The following SLC35E3 variants were observed in gnomAD, a reference collection of about 807,000 sequenced individuals.
SLC35E3 encodes the protein solute carrier family 35 member E3, also known as bladder cancer-overexpressed gene 1 protein.
Under a neutral mutation model 30.8 loss-of-function variants are expected in SLC35E3, and 28 were observed. The ratio of observed to expected loss-of-function variants is 0.91; its 90% CI spans 0.67 to 1.25. The LOEUF is 1.25. Ranked by LOEUF, SLC35E3 falls within the 50% of genes most tolerant of loss-of-function variation. The pLI is 0.00. For missense variants in SLC35E3, 365 were observed against 375.4 expected (o/e 0.97, Z 0.23); for synonymous variants, 146 against 149.2 (o/e 0.98, Z 0.16).
At chr12:68,760,038 A>T (rs1324935447) in intron 4 of SLC35E3, 2 of 152,214 alleles carry the variant, frequency 1.3e-5, no homozygotes, top group Admixed American at 1.3e-4. Flanking sequence ...TATTATTTCA[A>T]GTCAAGAAAT....
In SLC35E3 at chr12:68,756,100, T is replaced by TTTACCA. The variant is rs1878990709; in HGVS notation, c.673-3055_673-3050dup. 2.0e-5 allele frequency among the ~76,000 whole-genome samples: 3 copies of TTTACCA among 152,176 alleles called. No homozygotes were observed. The South Asian group carries it at 6.2e-4, about 32-fold the overall frequency. ...CAGTAGTTATTTCAAATTTATATATTTTACCATATACACTTTTTTTCTAAA... is the reference window on the plus strand; with the variant it reads ...CAGTAGTTATTTCAAATTTATATATTTTACCATTACCATATACACTTTTTTTCTAAA... On this transcript the variant is annotated intron_variant, in intron 3 of 4. Coordinates refer to ENST00000398004, the MANE Select transcript of SLC35E3 (RefSeq NM_018656.5).
In SLC35E3 at chr12:68,748,041, G is replaced by A. The variant is rs1480379007; in HGVS notation, c.513+1G>A. On this transcript the variant is annotated splice_donor_variant, in intron 2 of 4. Coordinates refer to ENST00000398004, the MANE Select transcript of SLC35E3 (RefSeq NM_018656.5). LOFTEE classifies it high-confidence loss of function. The stretch of plus-strand genomic sequence containing the variant: ...TTTAGTTACATCCCTTTATCAAGTG[G>A]TTGGTAATTTTTTTTTCTTTATGTG... 5 of 1,572,556 alleles carry A rather than the reference G, an allele frequency of 3.2e-6. No homozygotes were observed. Among genetic ancestry groups the A allele is most frequent in the Non-Finnish European group, 3.5e-6 (4 of 1,149,878 alleles).
chr12:68,749,232 A>G (rs1408972414), intron 2 of SLC35E3, among the ~76,000 whole-genome samples: 1 of 152,208 alleles, frequency 6.6e-6, no homozygotes, highest in Admixed American at 6.5e-5. Flanking sequence ...TTGACATGAG[A>G]TTGACCAAGG....
Position 68,753,111 on chromosome 12 carries a change from C to CAAA in SLC35E3, c.672+936_672+938dup, listed in dbSNP as rs34737156. Reference sequence around the variant, plus strand: ...CAGTGAGCTGGGATCACACCTGTCTCAAAAAAAAAAAAAAAAAGAATTAGC... The same window carrying CAAA: ...CAGTGAGCTGGGATCACACCTGTCTCAAAAAAAAAAAAAAAAAAAAGAATTAGC... On this transcript the variant is annotated intron_variant, in intron 3 of 4. Coordinates refer to ENST00000398004, the MANE Select transcript of SLC35E3 (RefSeq NM_018656.5). 1.6e-5 allele frequency among the ~76,000 whole-genome samples: 2 copies of CAAA among 122,400 alleles called. 1 individual carries two copies. Among genetic ancestry groups the CAAA allele is most frequent in the African/African-American group, 6.0e-5 (2 of 33,176 alleles). The allele number at this position is 122,400 out of a possible 152,430, so 80.3% of individuals were successfully genotyped here.
intron 2 of SLC35E3, among the ~76,000 whole-genome samples, chr12:68,750,874 T>C (rs1878762889): frequency 6.6e-6 from 1 of 152,100 alleles, no homozygotes; most frequent in African/African-American, 2.4e-5. Flanking sequence ...AGACTTAGAG[T>C]TTATGTAACA....
At chr12:68,759,792 C>G (rs1879178280) in intron 4 of SLC35E3, among the ~76,000 whole-genome samples, 1 of 151,880 alleles carries the variant, frequency 6.6e-6, no homozygotes, top group Non-Finnish European at 1.5e-5. Flanking sequence ...TAATAGGTGA[C>G]CTTTTCCCTT....
intron 4 of SLC35E3, among the ~76,000 whole-genome samples, chr12:68,762,414 G>A (rs751946679): frequency 7.2e-5 from 11 of 152,042 alleles, no homozygotes; most frequent in Non-Finnish European, 1.3e-4. Context: ...AGGCGGGGTC[G>A]GTGTCTGTGT....
rs1275658916 is a variant in SLC35E3 at position 68,768,076 on chromosome 12, G to T, written c.*3186G>T. 6.6e-6 allele frequency: 1 copy of T among 152,232 alleles called. No individual in the cohort carries two copies. Among genetic ancestry groups the T allele is most frequent in the African/African-American group, 2.4e-5 (1 of 41,454 alleles). The allele number at this position is 152,232 out of a possible 1,614,324, so 9.4% of individuals were successfully genotyped here. On this transcript the variant is annotated 3_prime_UTR_variant, in exon 5 of 5. Coordinates refer to ENST00000398004, the MANE Select transcript of SLC35E3 (RefSeq NM_018656.5). ...GGCCAAGGCGGGTGGATCACCTGAG[G>T]TCAGGAGTTTGAGACCAGCCTGGCC...
chr12:68,748,102 T>G, intron 2 of SLC35E3, 62 bp downstream of exon 2: 5 of 957,592 alleles, frequency 5.2e-6, no homozygotes, highest in Non-Finnish European at 8.4e-6. Context: ...TGAAGCTGTA[T>G]TCCAAGGTTT....
rs145098796 is a variant in SLC35E3, at chr12:68,763,232, G to A, written c.756-1472G>A. Among the ~76,000 whole-genome samples, 614 of 152,174 alleles carry A rather than the reference G, an allele frequency of 4.0e-3. 6 individuals carry two copies. The highest frequency in any genetic ancestry group is 6.8e-3 in the Middle Eastern group (2 of 292). ...AGGTAAACCCCTTTTATATAGTGAG[G>A]AAACTAATGCACAGAGTGGTGGCTG... is the stretch of plus-strand genomic sequence containing the variant. On this transcript the variant is annotated intron_variant, in intron 4 of 4. Coordinates refer to ENST00000398004, the MANE Select transcript of SLC35E3 (RefSeq NM_018656.5).
chr12:68,754,853 C>T (rs1329118858), intron 3 of SLC35E3, among the ~76,000 whole-genome samples: 1 of 152,150 alleles, frequency 6.6e-6, no homozygotes, highest in African/African-American at 2.4e-5. Context: ...CCTCAGCCTC[C>T]CAAGCAGCTA....
chr12:68,776,895 C>A lies in SLC35E3; in HGVS notation c.*12005C>A, dbSNP rs1482799364. 6.6e-6 allele frequency: 1 copy of A among 152,238 alleles called. No individual in the cohort carries two copies. The highest frequency in any genetic ancestry group is 1.9e-4 in the East Asian group (1 of 5,200). The allele number at this position is 152,238 out of a possible 1,614,324, so 9.4% of individuals were successfully genotyped here. A position where few individuals can be genotyped will look rare whatever the true frequency, so the allele number is the denominator to read the frequency against. On this transcript the variant is annotated 3_prime_UTR_variant, in exon 5 of 5. Transcript: ENST00000398004. ...TTCCCACCAAGTGGGAGGTGGTCTA[C>A]CTGCCCTTCACCATCATCTTTGTGC...
Position 68,779,621 on chromosome 12 carries a change from T to G in SLC35E3, c.*14731T>G, listed in dbSNP as rs1879832134. The G allele has an allele frequency of 6.6e-6, 1 of 152,116 alleles. No individual in the cohort carries two copies. 9.4% of individuals were successfully genotyped at this position (152,116 alleles called of 1,614,324 possible). A position where few individuals can be genotyped will look rare whatever the true frequency, so the allele number is the denominator to read the frequency against. On this transcript the variant is annotated 3_prime_UTR_variant, in exon 5 of 5. Coordinates refer to ENST00000398004, the MANE Select transcript of SLC35E3 (RefSeq NM_018656.5). The stretch of plus-strand genomic sequence containing the variant: ...TGCAAAACTTCACAGGAAAGTTAAA[T>G]GAATGAATGAATAAAATGTGATTAA...
rs537537687 is a variant in SLC35E3 at position 68,778,385 on chromosome 12, T to G, written c.*13495T>G. The G allele has an allele frequency of 1.3e-5, 2 of 152,320 alleles. No individual in the cohort carries two copies. The highest frequency in any genetic ancestry group is 3.9e-4 in the East Asian group (2 of 5,184). The allele number at this position is 152,320 out of a possible 1,614,324, so 9.4% of individuals were successfully genotyped here. A position where few individuals can be genotyped will look rare whatever the true frequency, so the allele number is the denominator to read the frequency against. ...ATAGGTTATCTGTACTCAACAAGCC[T>G]AGAACACACACTCCTTTCAAGTACC... On this transcript the variant is annotated 3_prime_UTR_variant, in exon 5 of 5. Coordinates refer to ENST00000398004, the MANE Select transcript of SLC35E3 (RefSeq NM_018656.5).
chr12:68,748,556 G>A (rs887290012), intron 2 of SLC35E3, among the ~76,000 whole-genome samples: 1 of 151,926 alleles, frequency 6.6e-6, no homozygotes, highest in Non-Finnish European at 1.5e-5. Context: ...TAAATATAGA[G>A]TAATTTATAT....
At position 68,775,363 on chromosome 12, in the gene SLC35E3, A is replaced by G. The variant is rs1879712304; in HGVS notation, c.*10473A>G. The G allele has an allele frequency of 6.6e-6, 1 of 152,226 alleles. No individual in the cohort carries two copies. The highest frequency in any genetic ancestry group is 2.4e-5 in the African/African-American group (1 of 41,458). 9.4% of individuals were successfully genotyped at this position (152,226 alleles called of 1,614,324 possible). ...AAAGAAAAGGAATTTATTTCTTACA[A>G]TAGTGGAGACTGAGAAGTCCAAGGT... On this transcript the variant is annotated 3_prime_UTR_variant, in exon 5 of 5. Coordinates refer to ENST00000398004, the MANE Select transcript of SLC35E3 (RefSeq NM_018656.5).
At chr12:68,750,995 T>C (rs1878769558) in intron 2 of SLC35E3, among the ~76,000 whole-genome samples, 1 of 152,194 alleles carries the variant, frequency 6.6e-6, no homozygotes. Context: ...AAAGCCTTTT[T>C]TTCAGTTATA....
At chr12:68,753,171 A>G (rs1168710688) in intron 3 of SLC35E3, among the ~76,000 whole-genome samples, 3 of 151,684 alleles carry the variant, frequency 2.0e-5, no homozygotes, top group Admixed American at 2.0e-4. Context: ...AATCCCAGCT[A>G]CTCAGGAAGC....
rs942464152 is a variant in SLC35E3, at chr12:68,778,769, A to G, written c.*13879A>G. On this transcript the variant is annotated 3_prime_UTR_variant, in exon 5 of 5. Transcript: ENST00000398004. ...CGCACCACTTCACTCCAGCCTGGAC[A>G]AAAGAGCAAAACTCCATCTCCAAAA... The G allele has an allele frequency of 1.3e-5, 2 of 151,506 alleles. No individual in the cohort carries two copies. Among genetic ancestry groups the G allele is most frequent in the African/African-American group, 2.4e-5 (1 of 41,122 alleles). 9.4% of individuals were successfully genotyped at this position (151,506 alleles called of 1,614,324 possible).
Sources: gnomAD v4.1 joint callset for allele counts (sites outside exome capture counted in the v4.1 genomes callset) on GRCh38, gnomAD v4.1.1 for gene constraint, MANE v1.5 for transcripts, NCBI Gene and HGNC (gene_info 2026-07-23, HGNC 2026-07-21) for gene names.